Variants in SYNPR observed in about 807,000 individuals in gnomAD.
SYNPR encodes the protein synaptoporin.
In SYNPR, 23 loss-of-function variants were observed where a neutral mutation model predicts 32.9. That is an observed-to-expected ratio of 0.70 (90% CI 0.50 to 0.99). SYNPR has a LOEUF of 0.99. Ranked by LOEUF, SYNPR falls within the 50% of genes least tolerant of loss-of-function variation. The probability of loss-of-function intolerance (pLI) is 0.00; values close to 1 mark genes in which losing one functional copy is unlikely to be tolerated. For missense variants in SYNPR, 318 were observed against 349.3 expected, an observed-to-expected ratio of 0.91 and a Z score of 0.71; for synonymous variants, 146 against 135.9, an observed-to-expected ratio of 1.07 and a Z score of -0.52.
At chr3:63,578,444 T>C (rs186954774) in intron 4 of SYNPR, among the ~76,000 whole-genome samples, 3 of 152,190 alleles carry the variant, frequency 2.0e-5, no homozygotes, top group Admixed American at 1.3e-4. Flanking sequence ...AGGTCTTCCA[T>C]GTGTGGATAG....
At chr3:63,453,081 C>T (rs1005250468) in intron 2 of SYNPR, among the ~76,000 whole-genome samples, 2 of 152,064 alleles carry the variant, frequency 1.3e-5, no homozygotes, top group African/African-American at 2.4e-5. Context: ...GGTTCCATCC[C>T]GACCTATTGA....
intron 1 of SYNPR, among the ~76,000 whole-genome samples, chr3:63,241,709 C>A (rs984626108): frequency 6.6e-6 from 1 of 152,004 alleles, no homozygotes; most frequent in African/African-American, 2.4e-5. Context: ...TAAACTCAGG[C>A]AATAACGAGC....
At chr3:63,581,241 T>C (rs990403121) in intron 4 of SYNPR, among the ~76,000 whole-genome samples, 1 of 152,112 alleles carries the variant, frequency 6.6e-6, no homozygotes, top group Admixed American at 6.6e-5. Flanking sequence ...CTTCATAAAC[T>C]GCATCAAGGG....
intron 3 of SYNPR, among the ~76,000 whole-genome samples, chr3:63,506,558 C>T (rs868755676): frequency 2.0e-5 from 3 of 152,166 alleles, no homozygotes; most frequent in South Asian, 2.1e-4. Context: ...TTATGATGTA[C>T]GTTGAAATTG....
At chr3:63,439,332 G>A (rs1700131063) in intron 2 of SYNPR, among the ~76,000 whole-genome samples, 1 of 152,086 alleles carries the variant, frequency 6.6e-6, no homozygotes, top group Non-Finnish European at 1.5e-5. Context: ...TCTAATAATG[G>A]ATAAATGTTA....
At chr3:63,457,433 G>T (rs780515289) in intron 2 of SYNPR, among the ~76,000 whole-genome samples, 7 of 151,680 alleles carry the variant, frequency 4.6e-5, no homozygotes, top group African/African-American at 7.3e-5. Context: ...GGATATTTAT[G>T]TCTCACCAAT....
At chr3:63,491,442 T>C (rs1701255450) in intron 3 of SYNPR, among the ~76,000 whole-genome samples, 1 of 152,186 alleles carries the variant, frequency 6.6e-6, no homozygotes, top group Non-Finnish European at 1.5e-5. Context: ...TGAGTAGAAC[T>C]GGCTGGCCCC....
At chr3:63,488,496 C>G (rs567294036) in intron 3 of SYNPR, among the ~76,000 whole-genome samples, 1 of 152,176 alleles carries the variant, frequency 6.6e-6, no homozygotes, top group Non-Finnish European at 1.5e-5. Flanking sequence ...AACCCCCTAA[C>G]TGGTAGTGAA....
At chr3:63,204,229 A>G in the SYNPR span, among the ~76,000 whole-genome samples, 1 of 152,166 alleles carries the variant, frequency 6.6e-6, no homozygotes, top group Non-Finnish European at 1.5e-5. Context: ...TGTAAAGACT[A>G]CAAGTCCAAA....
At chr3:63,259,523 G>T (rs6804488) in intron 2 of SYNPR, among the ~76,000 whole-genome samples, 1 of 151,928 alleles carries the variant, frequency 6.6e-6, no homozygotes, top group African/African-American at 2.4e-5. Flanking sequence ...AAATTCAACA[G>T]CCCTTCATGC....
chr3:63,221,968 T>C, the SYNPR span, among the ~76,000 whole-genome samples: 2 of 150,016 alleles, frequency 1.3e-5, no homozygotes, highest in Non-Finnish European at 3.0e-5. Context: ...AAAGCAGCAG[T>C]AGAAGATTAT....
chr3:63,344,571 T>TTA (rs3081091), intron 2 of SYNPR, among the ~76,000 whole-genome samples: 1 of 150,126 alleles, frequency 6.7e-6, no homozygotes, highest in Non-Finnish European at 1.5e-5. Flanking sequence ...TTTTTTTTTT[T>TTA]ACAGATTAAT....
intron 1 of SYNPR, among the ~76,000 whole-genome samples, chr3:63,244,574 G>C (rs9311861): frequency 0.23 from 35,304 of 151,908 alleles, 4,418 homozygotes; most frequent in South Asian, 0.39. Context: ...ACTTGAGCTT[G>C]GTAGTCAGTG....
intron 4 of SYNPR, 103 bp from the exon 5 acceptor site, chr3:63,609,021 TA>T: frequency 8.3e-7 from 1 of 1,210,510 alleles, no homozygotes; most frequent in Non-Finnish European, 1.1e-6. Flanking sequence ...TATGGGATCT[TA>T]AAATTTTCCA....
intron 2 of SYNPR, among the ~76,000 whole-genome samples, chr3:63,348,226 G>C (rs2087461783): frequency 6.6e-6 from 1 of 152,066 alleles, no homozygotes; most frequent in Non-Finnish European, 1.5e-5. Flanking sequence ...ATTCTGACTG[G>C]TGTAAGAATG....
At chr3:63,384,741 A>T (rs898037026) in intron 2 of SYNPR, among the ~76,000 whole-genome samples, 2 of 152,188 alleles carry the variant, frequency 1.3e-5, no homozygotes, top group African/African-American at 4.8e-5. Flanking sequence ...AATGCTGTAC[A>T]TTGATTTTTC....
chr3:63,550,835 A>G (rs1458888488), intron 3 of SYNPR, among the ~76,000 whole-genome samples: 1 of 152,246 alleles, frequency 6.6e-6, no homozygotes, highest in Non-Finnish European at 1.5e-5. Context: ...GCCAAAATCT[A>G]TAATTTGGCC....
intron 2 of SYNPR, among the ~76,000 whole-genome samples, chr3:63,415,252 G>T (rs1040516894): frequency 1.2e-4 from 19 of 152,152 alleles, no homozygotes; most frequent in African/African-American, 4.6e-4. Context: ...ACAACAGCAT[G>T]CTGGTAGCTC....
chr3:63,287,555 A>C (rs777773790), intron 2 of SYNPR, among the ~76,000 whole-genome samples: 1 of 152,192 alleles, frequency 6.6e-6, no homozygotes, highest in Non-Finnish European at 1.5e-5. Context: ...TTTCTAACAC[A>C]GTGCTTAACA....
Sources: gnomAD v4.1 joint callset for allele counts (sites outside exome capture counted in the v4.1 genomes callset) on GRCh38, gnomAD v4.1.1 for gene constraint, MANE v1.5 for transcripts, NCBI Gene and HGNC (gene_info 2026-07-23, HGNC 2026-07-21) for gene names.